Variants in UBOX5 observed in about 807,000 individuals in gnomAD.
UBOX5 encodes the protein U-box domain containing 5.
Under a neutral mutation model 39.0 loss-of-function variants are expected in UBOX5, and 28 were observed. That is an observed-to-expected ratio of 0.72 (90% CI 0.53 to 0.98). The LOEUF is 0.98. Among genes scored for constraint, UBOX5 ranks in the 50% least tolerant of loss-of-function variants. The pLI is 0.00. For synonymous variants in UBOX5, 283 were observed against 275.5 expected, an observed-to-expected ratio of 1.03 and a Z score of -0.27; for missense variants, 585 against 674.4, an observed-to-expected ratio of 0.87 and a Z score of 1.47.
chr20:3,112,174 G>A (rs2066258936), intron 4 of UBOX5, among the ~76,000 whole-genome samples: 1 of 151,926 alleles, frequency 6.6e-6, no homozygotes, highest in Non-Finnish European at 1.5e-5. Flanking sequence ...GGAAAGAAGG[G>A]AGGGGAGGAA....
chr20:3,147,741 G>A (rs1325040070), intron 1 of UBOX5: 2 of 1,614,172 alleles, frequency 1.2e-6, no homozygotes, highest in South Asian at 2.2e-5. Flanking sequence ...GCATTGGGTG[G>A]CTTATAATTC....
At chr20:3,145,121 G>A (rs2066548953) in intron 1 of UBOX5, among the ~76,000 whole-genome samples, 1 of 151,280 alleles carries the variant, frequency 6.6e-6, no homozygotes, top group Non-Finnish European at 1.5e-5. Context: ...AAGATGTGTT[G>A]GAGGAAAAAT....
intron 1 of UBOX5, among the ~76,000 whole-genome samples, chr20:3,143,062 T>C (rs1178581867): frequency 6.8e-6 from 1 of 146,170 alleles, no homozygotes; most frequent in Non-Finnish European, 1.5e-5. Context: ...GGCTAACAAA[T>C]GAATATTAAG....
chr20:3,120,072 G>A (rs1019576258), intron 3 of UBOX5, among the ~76,000 whole-genome samples: 1 of 152,114 alleles, frequency 6.6e-6, no homozygotes, highest in African/African-American at 2.4e-5. Context: ...GAATGTTGCA[G>A]GCCAGGCACA....
Position 3,122,311 on chromosome 20 carries a change from G to T in UBOX5, c.328C>A (p.Pro110Thr). The T allele has an allele frequency of 6.2e-7, 1 of 1,614,152 alleles. No individual in the cohort carries two copies. Among genetic ancestry groups the T allele is most frequent in the Non-Finnish European group, 8.5e-7 (1 of 1,180,030 alleles). ...ACCAAGGTGAACGCCTCCTTGTCTG[G>T]GACAGATGGCTCAGCTGGGCCCAGG... ...RTLGPAEPSV[P>T]DKEAFTLVGK... Residue 110 changes from proline to threonine, a missense_variant, in exon 3 of 5, where the codon CCA becomes ACA. Physicochemically the swap from Pro to Thr is conservative, Grantham distance 38. Coordinates refer to ENST00000217173, the MANE Select transcript of UBOX5 (RefSeq NM_014948.4).
intron 1 of UBOX5, among the ~76,000 whole-genome samples, chr20:3,156,527 C>T (rs1209281568): frequency 1.3e-5 from 2 of 152,078 alleles, no homozygotes; most frequent in Non-Finnish European, 2.9e-5. Context: ...CACAAAACTC[C>T]TTTCCTAGTT....
intron 1 of UBOX5, chr20:3,147,194 G>T: frequency 6.2e-7 from 1 of 1,614,094 alleles, no homozygotes. Context: ...CAAATCATCT[G>T]TAAGGCTGAC....
chr20:3,133,760 G>T (rs535141546), intron 1 of UBOX5, among the ~76,000 whole-genome samples: 10 of 150,682 alleles, frequency 6.6e-5, no homozygotes, highest in African/African-American at 1.5e-4. Context: ...TTTTTTTGGG[G>T]GGGGGAAACA....
At chr20:3,127,207 C>A (rs2066397397) in intron 1 of UBOX5, among the ~76,000 whole-genome samples, 1 of 152,126 alleles carries the variant, frequency 6.6e-6, no homozygotes, top group South Asian at 2.1e-4. Context: ...GGCCAGCCAG[C>A]CATTTATGCT....
chr20:3,144,244 A>T (rs925804767), intron 1 of UBOX5, among the ~76,000 whole-genome samples: 2 of 152,178 alleles, frequency 1.3e-5, no homozygotes, highest in Non-Finnish European at 2.9e-5. Flanking sequence ...AAAAATAACA[A>T]AGTTGGAGGA....
chr20:3,116,931 A>G (rs1343742069), intron 3 of UBOX5, among the ~76,000 whole-genome samples: 1 of 152,048 alleles, frequency 6.6e-6, no homozygotes, highest in African/African-American at 2.4e-5. Flanking sequence ...TCCTGTCTCT[A>G]CTGAAAATAC....
chr20:3,147,900 G>C, intron 1 of UBOX5: 1 of 1,614,206 alleles, frequency 6.2e-7, no homozygotes, highest in South Asian at 1.1e-5. Flanking sequence ...ATGACACCTT[G>C]AACTCCCAGG....
At chr20:3,159,528 G>A (rs950460122) in intron 1 of UBOX5, among the ~76,000 whole-genome samples, 1 of 152,240 alleles carries the variant, frequency 6.6e-6, no homozygotes, top group Non-Finnish European at 1.5e-5. Flanking sequence ...AAAAAATCAA[G>A]GGTCAGATAA....
intron 1 of UBOX5, among the ~76,000 whole-genome samples, chr20:3,153,256 C>CTCCA (rs1319227547): frequency 6.6e-6 from 1 of 152,204 alleles, no homozygotes; most frequent in Non-Finnish European, 1.5e-5. Flanking sequence ...TTTGGTGCAG[C>CTCCA]TCCAGTGTTT....
intron 1 of UBOX5, among the ~76,000 whole-genome samples, chr20:3,157,762 T>C (rs2066701634): frequency 6.6e-6 from 1 of 152,206 alleles, no homozygotes; most frequent in South Asian, 2.1e-4. Flanking sequence ...AAGAGAAAAT[T>C]CCCAAATAAA....
chr20:3,145,045 T>C (rs2066548209), intron 1 of UBOX5, among the ~76,000 whole-genome samples: 1 of 152,132 alleles, frequency 6.6e-6, no homozygotes, highest in Admixed American at 6.6e-5. Context: ...GCAAAAGGAA[T>C]CAGCAACTAA....
intron 4 of UBOX5, among the ~76,000 whole-genome samples, 159 bp downstream of exon 4, chr20:3,115,146 A>T (rs530427667): frequency 6.6e-6 from 1 of 152,234 alleles, no homozygotes; most frequent in South Asian, 2.1e-4. Flanking sequence ...CCCCTGGAAA[A>T]GGCAAGAGAA....
chr20:3,145,717 T>C (rs2066555478), intron 1 of UBOX5, among the ~76,000 whole-genome samples: 1 of 152,140 alleles, frequency 6.6e-6, no homozygotes, highest in Admixed American at 6.5e-5. Context: ...ATAACAGGCA[T>C]GAGCCACCAC....
At chr20:3,140,266 C>T (rs1422576643) in intron 1 of UBOX5, among the ~76,000 whole-genome samples, 5 of 152,082 alleles carry the variant, frequency 3.3e-5, no homozygotes, top group Non-Finnish European at 5.9e-5. Context: ...AGGTGATCCG[C>T]CCACCTTGGC....
Sources: gnomAD v4.1 joint callset for allele counts (sites outside exome capture counted in the v4.1 genomes callset) on GRCh38, gnomAD v4.1.1 for gene constraint, MANE v1.5 for transcripts, NCBI Gene and HGNC (gene_info 2026-07-23, HGNC 2026-07-21) for gene names.